The following B4GALT5 variants were observed in gnomAD, a reference collection of about 807,000 sequenced individuals.
The protein encoded by B4GALT5 is beta-1,4-galactosyltransferase 5.
Under a neutral mutation model 45.0 loss-of-function variants are expected in B4GALT5, and 11 were observed. That is an observed-to-expected ratio of 0.24 (90% confidence interval 0.15 to 0.40). The LOEUF (loss-of-function observed/expected upper bound fraction) is 0.40. Among genes scored for constraint, B4GALT5 ranks in the 10% least tolerant of loss-of-function variants. B4GALT5 has a pLI of 1.00. For synonymous variants in B4GALT5, 185 were observed against 182.9 expected, an observed-to-expected ratio of 1.01 and a Z score of -0.09; for missense variants, 337 against 500.2, an observed-to-expected ratio of 0.67 and a Z score of 3.11.
rs201396613 is a variant in B4GALT5, at chr20:49,656,747, T to C, written c.116-45A>G. 3.1e-6 allele frequency: 5 copies of C among 1,611,644 alleles called. No homozygotes were observed. The African/African-American group carries it at 5.3e-5, about 17-fold the overall frequency. ...GAAAAAGAGGTGGATTCAGAAGCAATCATTTAAAAAAACATACCACATAGC... is the reference window on the plus strand; with the variant it reads ...GAAAAAGAGGTGGATTCAGAAGCAACCATTTAAAAAAACATACCACATAGC... On this transcript the variant is annotated intron_variant, in intron 1 of 8. Coordinates refer to ENST00000371711, the MANE Select transcript of B4GALT5 (RefSeq NM_004776.4).
At chr20:49,704,718 CA>C (rs552498759) in intron 1 of B4GALT5, among the ~76,000 whole-genome samples, 4 of 114,172 alleles carry the variant, frequency 3.5e-5, no homozygotes, top group Non-Finnish European at 1.8e-5. Flanking sequence ...GACTCTGTCT[CA>C]AAAAAAAAAC....
At chr20:49,652,148 C>T (rs758430563) in intron 2 of B4GALT5, among the ~76,000 whole-genome samples, 11 of 152,072 alleles carry the variant, frequency 7.2e-5, no homozygotes, top group Non-Finnish European at 1.2e-4. Flanking sequence ...GAATCGCTAG[C>T]AGTCAGGCAC....
At chr20:49,702,176 C>T (rs185354654) in intron 1 of B4GALT5, among the ~76,000 whole-genome samples, 91 of 152,170 alleles carry the variant, frequency 6.0e-4, no homozygotes, top group Middle Eastern at 6.8e-3. Flanking sequence ...TGTCGCCTGC[C>T]GAATCCGAAT....
At chr20:49,709,240 C>T (rs1452742898) in intron 1 of B4GALT5, among the ~76,000 whole-genome samples, 1 of 151,732 alleles carries the variant, frequency 6.6e-6, no homozygotes, top group East Asian at 1.9e-4. Flanking sequence ...TCTGCAGAAC[C>T]CTGAAGGGAA....
chr20:49,684,743 C>T, intron 1 of B4GALT5: 1 of 480,634 alleles, frequency 2.1e-6, no homozygotes, highest in South Asian at 1.5e-5. Flanking sequence ...CATTCCAATT[C>T]CCCAGAGAAC....
chr20:49,682,070 T>A (rs1179883635), intron 1 of B4GALT5, among the ~76,000 whole-genome samples: 1 of 152,222 alleles, frequency 6.6e-6, no homozygotes, highest in Admixed American at 6.5e-5. Flanking sequence ...CACTCCAGCC[T>A]GGACAAAGGA....
rs1004505849 is a variant in B4GALT5, at chr20:49,635,993, T to C, written c.*319A>G. 7 of 291,702 alleles carry C rather than the reference T, an allele frequency of 2.4e-5. No individual in the cohort carries two copies. The highest frequency in any genetic ancestry group is 4.0e-5 in the Non-Finnish European group (6 of 150,502). 18.1% of individuals were successfully genotyped at this position (291,702 alleles called of 1,614,324 possible). A position where few individuals can be genotyped will look rare whatever the true frequency, so the allele number is the denominator to read the frequency against. ...GACCACGGCAGATCACAGTTCATCA[T>C]GGGTTCTGGAGACTGCGGCTAAGAC... On this transcript the variant is annotated 3_prime_UTR_variant, in exon 9 of 9. Coordinates refer to ENST00000371711, the MANE Select transcript of B4GALT5 (RefSeq NM_004776.4).
At chr20:49,639,589 C>T in intron 7 of B4GALT5, 89 bp downstream of exon 7, 1 of 1,521,636 alleles carries the variant, frequency 6.6e-7, no homozygotes, top group Middle Eastern at 1.8e-4. Context: ...AAATTACACA[C>T]ATGGCTTGCA....
chr20:49,664,496 C>A lies in B4GALT5; in HGVS notation c.116-7794G>T, dbSNP rs550412044. Among the ~76,000 whole-genome samples the A allele has an allele frequency of 1.5e-4, 22 of 144,290 alleles. No individual in the cohort carries two copies. The South Asian group carries it at 3.2e-3, about 21-fold the overall frequency. The allele number at this position is 144,290 out of a possible 152,430, so 94.7% of individuals were successfully genotyped here. A position where few individuals can be genotyped will look rare whatever the true frequency, so the allele number is the denominator to read the frequency against. ...CTTTAGATTCTTCAGGCTGAAAGAA[C>A]ATAGGATATTCTACAAAATAACTGA... is the stretch of plus-strand genomic sequence containing the variant. On this transcript the variant is annotated intron_variant, in intron 1 of 8. Transcript: ENST00000371711.
At position 49,694,839 on chromosome 20, in the gene B4GALT5, TAC is replaced by T. The variant is rs71339447; in HGVS notation, c.115+18735_115+18736del. On this transcript the variant is annotated intron_variant, in intron 1 of 8. Transcript: ENST00000371711. ...ACACCCAGCTGGAAAGACAGACAGA[TAC>T]ACACACACACACACACACCCCTGAA... 3.9e-4 allele frequency among the ~76,000 whole-genome samples: 58 copies of T among 149,612 alleles called. No homozygotes were observed. In the South Asian group the frequency reaches 4.4e-3, roughly 11 times the overall value.
At chr20:49,682,648 C>T (rs1265115461) in intron 1 of B4GALT5, among the ~76,000 whole-genome samples, 2 of 152,182 alleles carry the variant, frequency 1.3e-5, no homozygotes, top group Non-Finnish European at 2.9e-5. Context: ...CCTCTCTCTA[C>T]TCCCTGCAAA....
chr20:49,645,610 G>A lies in B4GALT5; in HGVS notation c.364+1355C>T, dbSNP rs548781610. Among the ~76,000 whole-genome samples, 231 of 151,868 alleles carry A rather than the reference G, an allele frequency of 1.5e-3. 1 individual carries two copies. Among genetic ancestry groups the A allele is most frequent in the African/African-American group, 4.8e-3 (200 of 41,450 alleles). On this transcript the variant is annotated intron_variant, in intron 3 of 8. Transcript: ENST00000371711. ...CTAAAAATACAAAAATTAGCCAGGC[G>A]TGGTGGCAGATGCCTATAATCCCAG...
At position 49,673,102 on chromosome 20, in the gene B4GALT5, C is replaced by A. The variant is rs189094778; in HGVS notation, c.116-16400G>T. Among the ~76,000 whole-genome samples the A allele has an allele frequency of 5.2e-3, 799 of 152,204 alleles. 3 individuals are homozygous for A. The highest frequency in any genetic ancestry group is 0.02 in the Middle Eastern group (6 of 294). Reference sequence around the variant, plus strand: ...GGTTTACAAAAATACAGTGGATTGGCCAGGCGCAGTGGCTCACACCTGTAA... The same window carrying A: ...GGTTTACAAAAATACAGTGGATTGGACAGGCGCAGTGGCTCACACCTGTAA... On this transcript the variant is annotated intron_variant, in intron 1 of 8. Coordinates refer to ENST00000371711, the MANE Select transcript of B4GALT5 (RefSeq NM_004776.4).
chr20:49,684,842 G>C (rs79784284), intron 1 of B4GALT5, among the ~76,000 whole-genome samples: 5 of 152,142 alleles, frequency 3.3e-5, no homozygotes, highest in Non-Finnish European at 2.9e-5. Context: ...TCTTGAGCTC[G>C]TGACCAAACT....
At chr20:49,640,403 A>C in intron 6 of B4GALT5, 75 bp downstream of exon 6, 2 of 1,344,326 alleles carry the variant, frequency 1.5e-6, no homozygotes, top group Non-Finnish European at 2.0e-6. Context: ...GGTTGCAGCT[A>C]ATTAGATTTC....
chr20:49,667,231 GTTTT>G (rs59201583), intron 1 of B4GALT5, among the ~76,000 whole-genome samples: 2 of 138,104 alleles, frequency 1.4e-5, no homozygotes, highest in African/African-American at 5.3e-5. Context: ...TTTTTGAAGT[GTTTT>G]TTTTTTTTTG....
In B4GALT5 at chr20:49,636,379, T is replaced by C; in HGVS notation, c.1100A>G (p.Tyr367Cys). 1.2e-6 allele frequency: 2 copies of C among 1,614,178 alleles called. No homozygotes were observed. The highest frequency in any genetic ancestry group is 8.5e-7 in the Non-Finnish European group (1 of 1,180,028). Residue 367 changes from tyrosine to cysteine, a missense_variant, in exon 9 of 9, where the codon TAC becomes TGC. Transcript: ENST00000371711. ...AGTTATGTTTTTATACAAGGCGTCG[T>C]ATGTGATGTTTGCAAAGTAGTTCAG... ...NNLNYFANIT[Y>C]DALYKNITVN... is the part of the protein sequence containing the mutation.
chr20:49,697,248 G>C (rs560010489), intron 1 of B4GALT5, among the ~76,000 whole-genome samples: 1 of 152,374 alleles, frequency 6.6e-6, no homozygotes, highest in South Asian at 2.1e-4. Flanking sequence ...GTTGTTGTCT[G>C]CTCCCAGAGC....
chr20:49,711,521 T>C (rs2085911850), intron 1 of B4GALT5, among the ~76,000 whole-genome samples: 1 of 152,232 alleles, frequency 6.6e-6, no homozygotes, highest in African/African-American at 2.4e-5. Context: ...AAAAGGATTA[T>C]GGCTCTAAGA....
Sources: gnomAD v4.1 joint callset for allele counts (sites outside exome capture counted in the v4.1 genomes callset) on GRCh38, gnomAD v4.1.1 for gene constraint, MANE v1.5 for transcripts, NCBI Gene and HGNC (gene_info 2026-07-23, HGNC 2026-07-21) for gene names.